SETBP1: variants seen among roughly 807,000 people sequenced by gnomAD.
The protein encoded by SETBP1 is SET binding protein 1.
SETBP1 carries 9 observed loss-of-function variants against 101.0 expected under a neutral mutation model. The ratio of observed to expected loss-of-function variants is 0.09; its 90% CI spans 0.05 to 0.16. The LOEUF (loss-of-function observed/expected upper bound fraction) is 0.16, where lower values mean the gene tolerates loss of function less well. Among genes scored for constraint, SETBP1 ranks in the 10% least tolerant of loss-of-function variants. The pLI is 1.00. For missense variants in SETBP1, 1,858 were observed against 2,033.8 expected, an observed-to-expected ratio of 0.91 and a Z score of 1.66; for synonymous variants, 818 against 788.5, an observed-to-expected ratio of 1.04 and a Z score of -0.63.
intron 3 of SETBP1, among the ~76,000 whole-genome samples, chr18:44,920,825 A>G (rs2070563167): frequency 6.6e-6 from 1 of 150,686 alleles, no homozygotes; most frequent in Non-Finnish European, 1.5e-5. Flanking sequence ...TGATAGATTA[A>G]TTAAAAACTA....
At chr18:44,966,707 A>T (rs996948832) in intron 4 of SETBP1, among the ~76,000 whole-genome samples, 1 of 152,184 alleles carries the variant, frequency 6.6e-6, no homozygotes, top group Non-Finnish European at 1.5e-5. Context: ...AAGAAGCACT[A>T]ACTTAAGAAT....
At chr18:44,793,222 A>G (rs1225879387) in intron 2 of SETBP1, among the ~76,000 whole-genome samples, 1 of 152,132 alleles carries the variant, frequency 6.6e-6, no homozygotes, top group Non-Finnish European at 1.5e-5. Flanking sequence ...CAGTTTTTTT[A>G]TCTATAAAAT....
chr18:44,925,434 T>C (rs2070685282), intron 3 of SETBP1, among the ~76,000 whole-genome samples: 1 of 152,126 alleles, frequency 6.6e-6, no homozygotes, highest in African/African-American at 2.4e-5. Context: ...GAAATGACTA[T>C]TTTTATAGCA....
Position 44,898,043 on chromosome 18 carries a change from C to T in SETBP1, c.540+28760C>T, listed in dbSNP as rs925536646. On this transcript the variant is annotated intron_variant, in intron 3 of 5. Coordinates refer to ENST00000649279, the MANE Select transcript of SETBP1 (RefSeq NM_015559.3). ...AATTGTTGTGATAGTGCCCAGACTT[C>T]TGAGGAATGGAAACCCTGACTCTAA... 2.0e-5 allele frequency among the ~76,000 whole-genome samples: 3 copies of T among 152,164 alleles called. No homozygotes were observed. In the East Asian group the frequency reaches 5.8e-4, roughly 29 times the overall value.
intron 4 of SETBP1, among the ~76,000 whole-genome samples, chr18:44,994,416 C>A (rs2072447384): frequency 6.6e-6 from 1 of 152,102 alleles, no homozygotes; most frequent in African/African-American, 2.4e-5. Context: ...ATGATAATTC[C>A]TTTTTATTCT....
At chr18:45,017,089 T>C (rs2072963037) in intron 4 of SETBP1, among the ~76,000 whole-genome samples, 1 of 152,002 alleles carries the variant, frequency 6.6e-6, no homozygotes, top group Admixed American at 6.6e-5. Flanking sequence ...GACTTCCATA[T>C]AAAAACAGCT....
intron 3 of SETBP1, among the ~76,000 whole-genome samples, chr18:44,900,482 T>G (rs2070017360): frequency 6.6e-6 from 1 of 152,206 alleles, no homozygotes; most frequent in Non-Finnish European, 1.5e-5. Flanking sequence ...ATAACCAGCC[T>G]GTGTTTCATA....
chr18:44,840,218 CTTTAACAGA>C (rs1327340346), intron 2 of SETBP1, among the ~76,000 whole-genome samples: 1 of 152,192 alleles, frequency 6.6e-6, no homozygotes, highest in African/African-American at 2.4e-5. Flanking sequence ...TAATTTCCAT[CTTTAACAGA>C]TGTGGACCCT....
chr18:45,006,047 G>A (rs1481727914), intron 4 of SETBP1, among the ~76,000 whole-genome samples: 1 of 146,222 alleles, frequency 6.8e-6, no homozygotes, highest in Non-Finnish European at 1.5e-5. Flanking sequence ...TCCACCTCTC[G>A]GGTTCAAGTG....
intron 3 of SETBP1, among the ~76,000 whole-genome samples, chr18:44,929,285 T>C (rs1223822636): frequency 6.6e-6 from 1 of 152,210 alleles, no homozygotes; most frequent in Non-Finnish European, 1.5e-5. Flanking sequence ...CTCTGTTCCA[T>C]TGGTCTATAT....
intron 2 of SETBP1, among the ~76,000 whole-genome samples, chr18:44,855,013 C>T (rs954055235): frequency 1.3e-5 from 2 of 152,162 alleles, no homozygotes; most frequent in Non-Finnish European, 2.9e-5. Context: ...TTGGATTGCT[C>T]TTCTCCCAAA....
chr18:44,816,397 G>T (rs953855679), intron 2 of SETBP1, among the ~76,000 whole-genome samples: 1 of 152,176 alleles, frequency 6.6e-6, no homozygotes. Context: ...ACAGAGAGGG[G>T]TCAGCAGCTG....
At chr18:45,012,260 A>G (rs2072854573) in intron 4 of SETBP1, among the ~76,000 whole-genome samples, 1 of 152,220 alleles carries the variant, frequency 6.6e-6, no homozygotes, top group Non-Finnish European at 1.5e-5. Context: ...TCAAGAGGCA[A>G]AAGGATGAAG....
intron 4 of SETBP1, among the ~76,000 whole-genome samples, chr18:45,018,609 G>A (rs1268521246): frequency 1.3e-5 from 2 of 152,230 alleles, no homozygotes; most frequent in African/African-American, 4.8e-5. Flanking sequence ...TAGGAGCCAG[G>A]TGATGTGTTA....
intron 4 of SETBP1, among the ~76,000 whole-genome samples, chr18:44,991,142 C>CT (rs1010989243): frequency 6.8e-6 from 1 of 147,950 alleles, no homozygotes; most frequent in African/African-American, 2.5e-5. Flanking sequence ...ACTCAGGAGA[C>CT]TAAGGCGAGA....
At chr18:44,820,924 A>G (rs1325152630) in intron 2 of SETBP1, among the ~76,000 whole-genome samples, 1 of 152,224 alleles carries the variant, frequency 6.6e-6, no homozygotes, top group African/African-American at 2.4e-5. Context: ...AGAAATGTAT[A>G]CTTGGTAGCT....
chr18:44,852,519 G>T (rs1254418778), intron 2 of SETBP1, among the ~76,000 whole-genome samples: 1 of 152,070 alleles, frequency 6.6e-6, no homozygotes, highest in African/African-American at 2.4e-5. Context: ...CCCATATATG[G>T]CCATGTGATC....
intron 4 of SETBP1, among the ~76,000 whole-genome samples, chr18:45,037,040 G>A (rs929631161): frequency 3.9e-5 from 6 of 152,190 alleles, no homozygotes; most frequent in Non-Finnish European, 7.3e-5. Context: ...GCGTTGCCAC[G>A]AGGCCCAAGA....
At chr18:44,687,750 C>T (rs1292168148) in intron 1 of SETBP1, among the ~76,000 whole-genome samples, 2 of 151,580 alleles carry the variant, frequency 1.3e-5, no homozygotes, top group Non-Finnish European at 2.9e-5. Flanking sequence ...ATCTGGAAAC[C>T]CTGCTATGGA....
Sources: allele counts gnomAD v4.1 joint callset (sites outside exome capture counted in the v4.1 genomes callset), GRCh38; gene constraint gnomAD v4.1.1; transcripts MANE v1.5; gene names NCBI Gene and HGNC (gene_info 2026-07-23, HGNC 2026-07-21).